The following AP3B1 variants were observed in gnomAD, a reference collection of about 807,000 sequenced individuals.
AP3B1 encodes the protein AP-3 complex subunit beta-1.
AP3B1 carries 61 observed loss-of-function variants against 132.5 expected under a neutral mutation model. That is an observed-to-expected ratio of 0.46 (90% confidence interval 0.37 to 0.57). The LOEUF (loss-of-function observed/expected upper bound fraction) is 0.57. AP3B1 is among the 20% of genes least tolerant of loss of function. AP3B1 has a pLI of 0.00. For synonymous variants in AP3B1, 388 were observed against 438.3 expected (o/e 0.89, Z 1.43); for missense variants, 1,120 against 1,289.4 (o/e 0.87, Z 2.01).
At chr5:78,065,330 C>A (rs1436500884) in intron 22 of AP3B1, among the ~76,000 whole-genome samples, 1 of 152,078 alleles carries the variant, frequency 6.6e-6, no homozygotes, top group Non-Finnish European at 1.5e-5. Flanking sequence ...CATCATACAG[C>A]TGCCTGCTGC....
At chr5:78,163,072 A>G in intron 12 of AP3B1, 121 bp from the exon 13 acceptor site, 1 of 904,260 alleles carries the variant, frequency 1.1e-6, no homozygotes, top group Non-Finnish European at 1.8e-6. Context: ...TCATAAGCAC[A>G]ATATGAGGAC....
Position 78,116,248 on chromosome 5 carries a change from T to C in AP3B1, c.1969-14A>G, listed in dbSNP as rs559237368. 1.9e-6 allele frequency: 3 copies of C among 1,582,400 alleles called. No individual in the cohort carries two copies. The East Asian group carries it at 6.7e-5, about 35-fold the overall frequency. Reference sequence around the variant, plus strand: ...CCATTCTTTTGCCTGTTTAAACAAATAAAGTAAATATAAATGAATTCTCAT... The same window carrying C: ...CCATTCTTTTGCCTGTTTAAACAAACAAAGTAAATATAAATGAATTCTCAT... On this transcript the variant is annotated splice_polypyrimidine_tract_variant and intron_variant, in intron 17 of 26. Coordinates refer to ENST00000255194, the MANE Select transcript of AP3B1 (RefSeq NM_003664.5).
chr5:78,218,678 G>A (rs1339392069), intron 6 of AP3B1, among the ~76,000 whole-genome samples: 1 of 152,150 alleles, frequency 6.6e-6, no homozygotes, highest in Non-Finnish European at 1.5e-5. Context: ...ATAAAATTAT[G>A]AAGGGTACAA....
At chr5:78,245,750 C>G (rs1246246849) in intron 2 of AP3B1, among the ~76,000 whole-genome samples, 2 of 152,076 alleles carry the variant, frequency 1.3e-5, no homozygotes, top group African/African-American at 4.8e-5. Flanking sequence ...ACTCTTTTAC[C>G]CAGAACAAGG....
intron 7 of AP3B1, among the ~76,000 whole-genome samples, chr5:78,207,078 T>C (rs144195118): frequency 5.5e-4 from 83 of 151,864 alleles, no homozygotes; most frequent in African/African-American, 1.8e-3. Flanking sequence ...GCCAACATGG[T>C]GAAACCCCGT....
At chr5:78,249,765 T>C (rs1426221955) in intron 2 of AP3B1, among the ~76,000 whole-genome samples, 3 of 151,972 alleles carry the variant, frequency 2.0e-5, no homozygotes, top group Non-Finnish European at 4.4e-5. Context: ...TTGGTATTTC[T>C]GTAGAGACAG....
intron 14 of AP3B1, among the ~76,000 whole-genome samples, chr5:78,144,542 C>CAA (rs1753301657): frequency 6.6e-6 from 1 of 152,178 alleles, no homozygotes; most frequent in Non-Finnish European, 1.5e-5. Flanking sequence ...GACATCTAAG[C>CAA]AAACTGCATA....
intron 14 of AP3B1, among the ~76,000 whole-genome samples, chr5:78,149,914 T>C (rs994881761): frequency 6.6e-6 from 1 of 150,662 alleles, no homozygotes; most frequent in African/African-American, 2.5e-5. Context: ...GCTAAATGAC[T>C]CCTGTAAGCC....
chr5:78,019,847 A>T (rs1012173372), intron 25 of AP3B1, among the ~76,000 whole-genome samples: 10 of 152,038 alleles, frequency 6.6e-5, no homozygotes, highest in African/African-American at 2.4e-4. Context: ...TGGAAGTTTG[A>T]TGGGTATGAT....
chr5:78,173,767 C>T (rs957496274), intron 11 of AP3B1, among the ~76,000 whole-genome samples: 11 of 152,018 alleles, frequency 7.2e-5, no homozygotes, highest in African/African-American at 2.7e-4. Context: ...GGATGATATC[C>T]TGCAGAGTGT....
At chr5:78,069,420 A>G (rs937702223) in intron 22 of AP3B1, among the ~76,000 whole-genome samples, 5 of 152,220 alleles carry the variant, frequency 3.3e-5, no homozygotes, top group Non-Finnish European at 7.3e-5. Flanking sequence ...ATACAAAATC[A>G]ATGTGCAAGA....
At chr5:78,279,129 GTTTAA>G (rs1047164957) in intron 1 of AP3B1, among the ~76,000 whole-genome samples, 5 of 152,066 alleles carry the variant, frequency 3.3e-5, no homozygotes, top group African/African-American at 9.7e-5. Flanking sequence ...ATATATGATC[GTTTAA>G]TTTTTTTAAA....
At position 78,100,961 on chromosome 5, in the gene AP3B1, A is replaced by C; in HGVS notation, c.2462T>G (p.Leu821Arg). ...PLTKDVSLLD[L>R]DDFNPVSTPV... is the part of the protein sequence containing the mutation. ...TAAATTACAATACTTACAATCATCC[A>C]GATCTAGAAGTGAAACATCTTTGGT... Residue 821 changes from leucine to arginine, a missense_variant, in exon 21 of 27, where the codon CTG becomes CGG. Physicochemically the swap from Leu to Arg is moderately radical, Grantham distance 102. Transcript: ENST00000255194. The C allele has an allele frequency of 6.5e-7, 1 of 1,546,570 alleles. No individual in the cohort carries two copies. Among genetic ancestry groups the C allele is most frequent in the African/African-American group, 1.4e-5 (1 of 73,640 alleles).
chr5:78,112,859 T>C (rs1233540943), intron 19 of AP3B1, among the ~76,000 whole-genome samples: 1 of 152,240 alleles, frequency 6.6e-6, no homozygotes, highest in Non-Finnish European at 1.5e-5. Flanking sequence ...GTTTTTAACT[T>C]TGCAATGATG....
intron 22 of AP3B1, among the ~76,000 whole-genome samples, chr5:78,060,349 A>G (rs1748990364): frequency 6.6e-6 from 1 of 152,262 alleles, no homozygotes; most frequent in Middle Eastern, 3.2e-3. Flanking sequence ...CACAAAACAT[A>G]TAAGCAAATG....
chr5:78,203,022 G>A (rs9293729), intron 7 of AP3B1, among the ~76,000 whole-genome samples: 55,933 of 151,924 alleles, frequency 0.37, 10,614 homozygotes, highest in African/African-American at 0.46. Context: ...TGACTTTTTT[G>A]TTTCTTTCAA....
chr5:78,198,945 A>G (rs1745180995), intron 7 of AP3B1, among the ~76,000 whole-genome samples: 1 of 152,272 alleles, frequency 6.6e-6, no homozygotes, highest in South Asian at 2.1e-4. Flanking sequence ...TATGTAAAAC[A>G]ACAAAGGATA....
At chr5:78,205,572 G>T (rs1050514364) in intron 7 of AP3B1, among the ~76,000 whole-genome samples, 2 of 152,050 alleles carry the variant, frequency 1.3e-5, no homozygotes, top group African/African-American at 2.4e-5. Flanking sequence ...ATCTGTCAAG[G>T]TCTCCACTGG....
chr5:78,193,770 A>ATATAGATATATATATATTTTTTTTTT lies in AP3B1; in HGVS notation c.787-12109_787-12108insAAAAAAAAAATATATATATATCTATA. 7.4e-5 allele frequency among the ~76,000 whole-genome samples: 5 copies of ATATAGATATATATATATTTTTTTTTT among 67,212 alleles called. No individual in the cohort carries two copies. In the East Asian group the frequency reaches 1.3e-3, roughly 18 times the overall value. 44.1% of individuals were successfully genotyped at this position (67,212 alleles called of 152,430 possible). On this transcript the variant is annotated intron_variant, in intron 7 of 26. Transcript: ENST00000255194. The stretch of plus-strand genomic sequence containing the variant: ...TATATATATATATATATATATATAT[A>ATATAGATATATATATATTTTTTTTTT]TTTTTTTTTTAGACAGAGTCTCGCT...
Sources: allele counts gnomAD v4.1 joint callset (sites outside exome capture counted in the v4.1 genomes callset), GRCh38; gene constraint gnomAD v4.1.1; transcripts MANE v1.5; gene names NCBI Gene and HGNC (gene_info 2026-07-23, HGNC 2026-07-21).